MTCL1: variants seen among roughly 807,000 people sequenced by gnomAD.
MTCL1 encodes the protein microtubule cross-linking factor 1.
MTCL1 carries 79 observed loss-of-function variants against 141.4 expected under a neutral mutation model. The observed-to-expected ratio is 0.56, with a 90% CI of 0.47 to 0.67. The LOEUF is 0.67. Ranked by LOEUF, MTCL1 falls within the 30% of genes least tolerant of loss-of-function variation. The pLI is 0.00. For missense variants in MTCL1, 2,177 were observed against 2,113.9 expected (o/e 1.03, Z -0.59); for synonymous variants, 914 against 875.8 (o/e 1.04, Z -0.77).
At chr18:8,705,648 G>A (rs2096056412), upstream of MTCL1, 1 of 1,210,184 alleles carries the variant, frequency 8.3e-7, no homozygotes, top group Non-Finnish European at 1.0e-6. The surrounding 1 kb of genome is among the most constrained non-coding windows in gnomAD (Gnocchi z 5.2). Context: ...AGCTGCTGCC[G>A]GCGGACCCGG....
intron 10 of MTCL1, among the ~76,000 whole-genome samples, chr18:8,804,986 C>CA (rs11347124): frequency 1.0e-4 from 12 of 115,528 alleles, no homozygotes; most frequent in African/African-American, 3.2e-4. Context: ...GACCTTGCCT[C>CA]AAAAAAAAAA....
At chr18:8,778,832 C>G (rs747004112) in intron 5 of MTCL1, among the ~76,000 whole-genome samples, 7 of 152,220 alleles carry the variant, frequency 4.6e-5, no homozygotes, top group Admixed American at 1.3e-4. Flanking sequence ...GGCTCTTGCC[C>G]AGGGAAGATC....
At chr18:8,734,170 G>A (rs1381555815) in intron 4 of MTCL1, among the ~76,000 whole-genome samples, 1 of 151,860 alleles carries the variant, frequency 6.6e-6, no homozygotes, top group Non-Finnish European at 1.5e-5. Flanking sequence ...GATGCTTAAC[G>A]GTGTTCCTAG....
intron 10 of MTCL1, among the ~76,000 whole-genome samples, chr18:8,804,274 GA>G (rs2076220364): frequency 7.3e-6 from 1 of 137,132 alleles, no homozygotes; most frequent in Non-Finnish European, 1.5e-5. Context: ...TTTTTTTTTG[GA>G]AACAAGGTCT....
At chr18:8,773,332 G>A (rs1386075508) in intron 4 of MTCL1, among the ~76,000 whole-genome samples, 1 of 152,032 alleles carries the variant, frequency 6.6e-6, no homozygotes, top group South Asian at 2.1e-4. Context: ...AACACTGAGT[G>A]CCCTACTTTT....
intron 4 of MTCL1, among the ~76,000 whole-genome samples, chr18:8,770,255 G>A (rs1030423545): frequency 6.6e-6 from 1 of 152,222 alleles, no homozygotes; most frequent in African/African-American, 2.4e-5. Flanking sequence ...CTGTTACTCA[G>A]TGGTAATAAC....
intron 4 of MTCL1, among the ~76,000 whole-genome samples, chr18:8,732,721 A>T (rs1158301965): frequency 6.6e-6 from 1 of 152,130 alleles, no homozygotes; most frequent in Non-Finnish European, 1.5e-5. Context: ...TTCTGACCTG[A>T]GAATAAGCCC....
intron 4 of MTCL1, among the ~76,000 whole-genome samples, chr18:8,762,612 A>C (rs1297672944): frequency 6.6e-6 from 1 of 152,266 alleles, no homozygotes; most frequent in Non-Finnish European, 1.5e-5. Context: ...ACGGAAATTG[A>C]TGATGACTTC....
chr18:8,723,960 A>G (rs561211597), intron 4 of MTCL1, among the ~76,000 whole-genome samples: 46 of 149,918 alleles, frequency 3.1e-4, no homozygotes, highest in Admixed American at 6.7e-4. Flanking sequence ...TAGACGGAAA[A>G]CAGATTCATG....
intron 12 of MTCL1, among the ~76,000 whole-genome samples, chr18:8,813,808 A>G (rs1490088297): frequency 1.3e-5 from 2 of 152,212 alleles, no homozygotes; most frequent in Non-Finnish European, 2.9e-5. Context: ...CAAACAATTC[A>G]GAAACTCAGA....
At chr18:8,806,866 G>A (rs761334702) in intron 10 of MTCL1, 27 bp from the exon 10 acceptor site, 3 of 1,608,156 alleles carry the variant, frequency 1.9e-6, no homozygotes, top group African/African-American at 2.7e-5. Context: ...AAAGGAGGTG[G>A]TGGAGCCTGA....
chr18:8,758,007 A>C (rs1271853346), intron 4 of MTCL1, among the ~76,000 whole-genome samples: 1 of 149,492 alleles, frequency 6.7e-6, no homozygotes, highest in Non-Finnish European at 1.5e-5. Flanking sequence ...AAAGTTGATG[A>C]GTAGCACCCA....
At chr18:8,708,451 G>A (rs1469248417) in intron 1 of MTCL1, among the ~76,000 whole-genome samples, 2 of 152,162 alleles carry the variant, frequency 1.3e-5, no homozygotes, top group East Asian at 3.8e-4. Flanking sequence ...ATAGGGTGGT[G>A]GTGGTGGTAT....
At chr18:8,730,341 C>T (rs886417219) in intron 4 of MTCL1, among the ~76,000 whole-genome samples, 16 of 152,110 alleles carry the variant, frequency 1.1e-4, no homozygotes, top group African/African-American at 3.4e-4. Context: ...CCTTATGAAA[C>T]GCTGGATAAA....
At chr18:8,720,204 G>A in intron 3 of MTCL1, 134 bp from the exon 3 acceptor site, 1 of 783,396 alleles carries the variant, frequency 1.3e-6, no homozygotes. Context: ...CAATAAGTCA[G>A]TTGTGTATTG....
At chr18:8,782,915 A>G (rs900622187) in intron 5 of MTCL1, among the ~76,000 whole-genome samples, 5 of 152,142 alleles carry the variant, frequency 3.3e-5, no homozygotes, top group African/African-American at 1.2e-4. Context: ...GGAGACCGGG[A>G]TGGGGAGAAG....
chr18:8,737,182 C>T (rs934716196), intron 4 of MTCL1, among the ~76,000 whole-genome samples: 6 of 152,198 alleles, frequency 3.9e-5, no homozygotes, highest in East Asian at 1.9e-4. Context: ...ACACACAGGA[C>T]GCTGGCATCA....
chr18:8,798,063 T>C, intron 9 of MTCL1, 34 bp from the exon 9 acceptor site: 7 of 1,548,368 alleles, frequency 4.5e-6, no homozygotes, highest in East Asian at 2.5e-5. Flanking sequence ...AGAATTTGGC[T>C]GAAGCTGTGA....
At chr18:8,759,019 C>G (rs1333373564) in intron 4 of MTCL1, among the ~76,000 whole-genome samples, 3 of 152,180 alleles carry the variant, frequency 2.0e-5, no homozygotes, top group African/African-American at 7.2e-5. Context: ...AAGAGGACAG[C>G]AGGGGGTGTG....
Sources: gnomAD v4.1 joint callset for allele counts (sites outside exome capture counted in the v4.1 genomes callset) on GRCh38, gnomAD v4.1.1 for gene constraint, Gnocchi (gnomAD v3.1) non-coding constraint, MANE v1.5 for transcripts, NCBI Gene and HGNC (gene_info 2026-07-23, HGNC 2026-07-21) for gene names.